The following APOB variants were observed in gnomAD, a reference collection of about 807,000 sequenced individuals.
The protein encoded by APOB is apolipoprotein B, also known as apolipoprotein B-100.
Under a neutral mutation model 314.1 loss-of-function variants are expected in APOB, and 153 were observed. The observed-to-expected ratio is 0.49, with a 90% confidence interval of 0.43 to 0.56. APOB has a LOEUF of 0.56. Ranked by LOEUF, APOB falls within the 20% of genes least tolerant of loss-of-function variation. APOB has a pLI of 0.00. For synonymous variants in APOB, 2,087 were observed against 2,036.4 expected (o/e 1.02, Z -0.67); for missense variants, 5,430 against 5,350.7 (o/e 1.01, Z -0.46).
chr2:21,012,598 C>A lies in APOB; in HGVS notation c.4270G>T (p.Gly1424Trp). 6.2e-7 allele frequency: 1 copy of A among 1,612,378 alleles called. No individual in the cohort carries two copies. The change falls in exon 26 of 29, where the codon GGG becomes TGG. Residue 1424 changes from glycine (G) to tryptophan (W), a missense_variant. Gly to Trp is a radical substitution (Grantham distance 184, BLOSUM62 -2). Around this residue, in one of 3 missense-constraint regions of APOB, gnomAD observed 2,085 missense variants for 2,079.7 expected, o/e 1.00. Transcript: ENST00000233242. ...TCTAGAAATTTGTGGCGTAGAGACC[C>A]ATCACATGATAGTGTGAACGTATTC... is the stretch of plus-strand genomic sequence containing the variant. ...HKNTFTLSCDGSLRHKFLDSN... is the reference protein window; with the variant it reads ...HKNTFTLSCDWSLRHKFLDSN...
Position 21,033,350 on chromosome 2 carries a change from A to T in APOB, c.1073T>A (p.Leu358His), listed in dbSNP as rs748090797. Reference sequence around the variant, plus strand: ...GAGAGATGTGACTGCTTCATCACTGAGGCCTCTCAGCTCAGTAACCAGCTT... The same window carrying T: ...GAGAGATGTGACTGCTTCATCACTGTGGCCTCTCAGCTCAGTAACCAGCTT... ...FNKLVTELRGLSDEAVTSLLP... is the reference protein window; with the variant it reads ...FNKLVTELRGHSDEAVTSLLP... The change falls in exon 9 of 29, where the codon CTC (leucine) becomes CAC (histidine). Residue 358 changes from leucine to histidine, a missense_variant. This residue lies in a region of APOB where 2,085 missense variants were observed against 2,079.7 expected (regional missense o/e 1.00). Transcript: ENST00000233242. The T allele has an allele frequency of 2.5e-6, 4 of 1,614,210 alleles. No homozygotes were observed. The highest frequency in any genetic ancestry group is 3.4e-6 in the Non-Finnish European group (4 of 1,180,032).
rs1175791238 is a variant in APOB, at chr2:21,012,533, G to A, written c.4335C>T (p.Asn1445=). 1.2e-6 allele frequency: 2 copies of A among 1,614,194 alleles called. No individual in the cohort carries two copies. The highest frequency in any genetic ancestry group is 4.5e-5 in the East Asian group (2 of 44,892). The change falls in exon 26 of 29, where the codon AAC becomes AAT. Residue 1445 remains asparagine (N), a synonymous_variant. Coordinates refer to ENST00000233242, the MANE Select transcript of APOB (RefSeq NM_000384.3). ...TTAGTAAACCTTTTGAGACTGGGTT[G>A]TTTCCAAGTTTTTCTACATGACTGA... is the stretch of plus-strand genomic sequence containing the variant. ...IKFSHVEKLG[N]NPVSKGLLIF...
chr2:21,042,722 G>C (rs1311911715), intron 2 of APOB, among the ~76,000 whole-genome samples: 1 of 152,108 alleles, frequency 6.6e-6, no homozygotes, highest in Non-Finnish European at 1.5e-5. Flanking sequence ...AGGGAAGGGA[G>C]TGACAAGTGT....
chr2:21,007,478 T>C lies in APOB; in HGVS notation c.9390A>G (p.Leu3130=). The part of the protein sequence containing the change: ...EANLDFLNIP[L]TIPEMRLPYT... ...AAGGTAGACGCATTTCAGGAATTGTTAAAGGAATGTTTAAGAAATCCAGAT... is the reference window on the plus strand; with the variant it reads ...AAGGTAGACGCATTTCAGGAATTGTCAAAGGAATGTTTAAGAAATCCAGAT... The change falls in exon 26 of 29, where the codon TTA becomes TTG. Residue 3130 remains leucine, a synonymous_variant. Coordinates refer to ENST00000233242, the MANE Select transcript of APOB (RefSeq NM_000384.3). 6.2e-7 allele frequency: 1 copy of C among 1,614,124 alleles called. No individual in the cohort carries two copies. Among genetic ancestry groups the C allele is most frequent in the Middle Eastern group, 1.6e-4 (1 of 6,062 alleles).
chr2:21,010,866 G>A lies in APOB; in HGVS notation c.6002C>T (p.Thr2001Ile), dbSNP rs763424475. ...EYSQDLDAYN[T>I]KDKIGVELTG... ...AAGCTCCACGCCAATTTTATCTTTAGTGTTGTAAGCATCCAAGTCCTGGCT... is the reference window on the plus strand; with the variant it reads ...AAGCTCCACGCCAATTTTATCTTTAATGTTGTAAGCATCCAAGTCCTGGCT... Residue 2001 changes from threonine (T) to isoleucine (I), a missense_variant, in exon 26 of 29, where the codon ACT becomes ATT. Physicochemically the swap from Thr to Ile is moderately conservative, Grantham distance 89. Transcript: ENST00000233242. The A allele has an allele frequency of 1.9e-5, 30 of 1,614,020 alleles. No homozygotes were observed. Among genetic ancestry groups the A allele is most frequent in the Non-Finnish European group, 2.5e-5 (29 of 1,180,024 alleles).
At chr2:21,022,458 G>T (rs183722891) in intron 18 of APOB, among the ~76,000 whole-genome samples, 15 of 151,936 alleles carry the variant, frequency 9.9e-5, no homozygotes, top group African/African-American at 3.4e-4. Context: ...GTATTTTTTG[G>T]GGGGGAAAAT....
In APOB at chr2:21,013,509, C is replaced by T. The variant is rs771430578; in HGVS notation, c.3867G>A (p.Leu1289=). 6.8e-6 allele frequency: 11 copies of T among 1,614,166 alleles called. No homozygotes were observed. In the East Asian group the frequency reaches 1.6e-4, roughly 23 times the overall value. Residue 1289 remains leucine (L), a synonymous_variant, in exon 25 of 29, where the codon TTG becomes TTA. Coordinates refer to ENST00000233242, the MANE Select transcript of APOB (RefSeq NM_000384.3). ...LKSDGRVKYT[L]NKNSLKIEIP... ...TCTCAATTTTCAAACTGTTCTTGTT[C>T]AAGGTATATTTGACCCGGCCATCGC... is the stretch of plus-strand genomic sequence containing the variant.
Position 21,002,571 on chromosome 2 carries a change from A to G in APOB, c.12851T>C (p.Phe4284Ser), listed in dbSNP as rs750204106. The G allele has an allele frequency of 8.3e-5, 134 of 1,613,968 alleles. No homozygotes were observed. The highest frequency in any genetic ancestry group is 1.1e-4 in the Non-Finnish European group (131 of 1,179,972). ...KDLSKEAQEV[F>S]KAIQSLKTTE... ...GGTCTTGAGAGACTGAATGGCTTTA[A>G]ATACCTCTTGGGCTTCTTTTGATAA... is the stretch of plus-strand genomic sequence containing the variant. The change falls in exon 29 of 29, where the codon TTT (phenylalanine) becomes TCT (serine). Residue 4284 changes from phenylalanine (F) to serine (S), a missense_variant. Transcript: ENST00000233242.
chr2:21,016,720 C>G, intron 20 of APOB, 71 bp from the exon 21 acceptor site: 1 of 1,000,060 alleles, frequency 1.0e-6, no homozygotes, highest in Non-Finnish European at 1.6e-6. Flanking sequence ...TGCGGTGGCT[C>G]ACACCTGTAA....
chr2:21,015,514 C>A lies in APOB; in HGVS notation c.3364G>T (p.Gly1122Cys). The change falls in exon 22 of 29, where the codon GGT (glycine) becomes TGT (cysteine). Residue 1122 changes from glycine to cysteine, a missense_variant. This residue lies in a region of APOB where 2,085 missense variants were observed against 2,079.7 expected (regional missense o/e 1.00). Transcript: ENST00000233242. Reference sequence around the variant, plus strand: ...TGCAAACGGGGTATGGAAATAACACCCTTGATTTTTCTTTCTTCCTTTGTG... The same window carrying A: ...TGCAAACGGGGTATGGAAATAACACACTTGATTTTTCTTTCTTCCTTTGTG... ...CDTKEERKIK[G>C]VISIPRLQAE... 2 of 1,613,638 alleles carry A rather than the reference C, an allele frequency of 1.2e-6. No homozygotes were observed. Among genetic ancestry groups the A allele is most frequent in the Non-Finnish European group, 1.7e-6 (2 of 1,179,996 alleles).
Position 21,008,641 on chromosome 2 carries a change from G to C in APOB, c.8227C>G (p.Leu2743Val), listed in dbSNP as rs777302365. 1.3e-5 allele frequency: 21 copies of C among 1,613,984 alleles called. No homozygotes were observed. Among genetic ancestry groups the C allele is most frequent in the Non-Finnish European group, 1.7e-5 (20 of 1,179,990 alleles). Reference protein sequence around the residue: ...VPDLHIPEFQLPHISHTIEVP... With the variant: ...VPDLHIPEFQVPHISHTIEVP... ...TCAATTGTGTGTGAGATGTGGGGAA[G>C]CTGGAATTCTGGTATGTGAAGGTCA... The change falls in exon 26 of 29, where the codon CTT becomes GTT. Residue 2743 changes from leucine (L) to valine (V), a missense_variant. By Grantham distance (32) the Leu-to-Val change is conservative (BLOSUM62 1). Coordinates refer to ENST00000233242, the MANE Select transcript of APOB (RefSeq NM_000384.3).
At chr2:21,014,183 C>G (rs1375597383) in intron 24 of APOB, among the ~76,000 whole-genome samples, 1 of 152,186 alleles carries the variant, frequency 6.6e-6, no homozygotes, top group African/African-American at 2.4e-5. Context: ...GGAGAATTTG[C>G]TTATAACAGG....
At chr2:21,036,849 A>C (rs1355097653) in intron 6 of APOB, among the ~76,000 whole-genome samples, 1 of 152,184 alleles carries the variant, frequency 6.6e-6, no homozygotes, top group East Asian at 1.9e-4. Context: ...TGCCAGTGAC[A>C]GAAGGACAGG....
intron 18 of APOB, among the ~76,000 whole-genome samples, chr2:21,020,641 T>C (rs1180921278): frequency 6.6e-6 from 1 of 152,224 alleles, no homozygotes; most frequent in Non-Finnish European, 1.5e-5. Context: ...TCCTTCCAAG[T>C]GTGTACTTAA....
In APOB at chr2:21,005,248, C is replaced by T; in HGVS notation, c.11620G>A (p.Gly3874Arg). 1 of 1,614,024 alleles carries T rather than the reference C, an allele frequency of 6.2e-7. No individual in the cohort carries two copies. The highest frequency in any genetic ancestry group is 8.5e-7 in the Non-Finnish European group (1 of 1,179,964). The change falls in exon 26 of 29, where the codon GGA (glycine) becomes AGA (arginine). Residue 3874 changes from glycine (G) to arginine (R), a missense_variant. Physicochemically the swap from Gly to Arg is moderately radical, Grantham distance 125 (BLOSUM62 -2). Around this residue, in one of 3 missense-constraint regions of APOB, gnomAD observed 3,281 missense variants for 3,171.0 expected, o/e 1.03. Transcript: ENST00000233242. ...IPSIKFSVPAGIVIPSFQALT... is the reference protein window; with the variant it reads ...IPSIKFSVPARIVIPSFQALT... The stretch of plus-strand genomic sequence containing the variant: ...GCTTGAAAGGAAGGAATGACAATTC[C>T]AGCAGGTACAGAGAACTTAATGGAG...
In APOB at chr2:21,010,004, G is replaced by A. The variant is rs72653089; in HGVS notation, c.6864C>T (p.His2288=). Residue 2288 remains histidine (H), a synonymous_variant, in exon 26 of 29, where the codon CAC becomes CAT. Transcript: ENST00000233242. ...IQHLAGKLKQ[H]IEAIDVRVLL... is the part of the protein sequence containing the mutation. ...GCACTCTAACATCAATAGCCTCAAT[G>A]TGTTGTTTTAACTTTCCAGCTAGGT... 6.2e-7 allele frequency: 1 copy of A among 1,613,720 alleles called. No homozygotes were observed. The highest frequency in any genetic ancestry group is 8.5e-7 in the Non-Finnish European group (1 of 1,179,922).
chr2:21,009,671 A>G lies in APOB; in HGVS notation c.7197T>C (p.Asp2399=). The G allele has an allele frequency of 1.2e-6, 2 of 1,613,366 alleles. No individual in the cohort carries two copies. Among genetic ancestry groups the G allele is most frequent in the Non-Finnish European group, 1.7e-6 (2 of 1,179,570 alleles). ...YFEKLVGFID[D]AVKKLNELSF... ...ATAATTCATTAAGCTTCTTGACAGC[A>G]TCATCAATAAATCCAACCAATTTCT... is the stretch of plus-strand genomic sequence containing the variant. The change falls in exon 26 of 29, where the codon GAT becomes GAC. Residue 2399 remains aspartate (D), a synonymous_variant. Coordinates refer to ENST00000233242, the MANE Select transcript of APOB (RefSeq NM_000384.3).
chr2:21,010,116 T>C lies in APOB; in HGVS notation c.6752A>G (p.Asn2251Ser). Reference protein sequence around the residue: ...SGSSTASWIQNVDTKYQIRIQ... With the variant: ...SGSSTASWIQSVDTKYQIRIQ... ...TCTGATTTGGTACTTAGTATCCACA[T>C]TTTGAATCCAGGATGCAGTACTACT... is the stretch of plus-strand genomic sequence containing the variant. Residue 2251 changes from asparagine (N) to serine (S), a missense_variant, in exon 26 of 29, where the codon AAT becomes AGT. Physicochemically the swap from Asn to Ser is conservative, Grantham distance 46. This residue lies in a region of APOB where 3,281 missense variants were observed against 3,171.0 expected (regional missense o/e 1.03). Transcript: ENST00000233242. The C allele has an allele frequency of 6.2e-7, 1 of 1,612,504 alleles. No homozygotes were observed. Among genetic ancestry groups the C allele is most frequent in the Non-Finnish European group, 8.5e-7 (1 of 1,179,326 alleles).
chr2:21,002,574 A>G lies in APOB; in HGVS notation c.12848T>C (p.Val4283Ala). The G allele has an allele frequency of 1.9e-6, 3 of 1,614,034 alleles. No homozygotes were observed. In the East Asian group the frequency reaches 6.7e-5, roughly 36 times the overall value. Reference protein sequence around the residue: ...LKDLSKEAQEVFKAIQSLKTT... With the variant: ...LKDLSKEAQEAFKAIQSLKTT... ...CTTGAGAGACTGAATGGCTTTAAAT[A>G]CCTCTTGGGCTTCTTTTGATAAATC... The change falls in exon 29 of 29, where the codon GTA (valine) becomes GCA (alanine). Residue 4283 changes from valine to alanine, a missense_variant. By Grantham distance (64) the Val-to-Ala change is moderately conservative. This residue lies in a region of APOB where 3,281 missense variants were observed against 3,171.0 expected (regional missense o/e 1.03). Transcript: ENST00000233242.
Sources: allele counts gnomAD v4.1 joint callset (sites outside exome capture counted in the v4.1 genomes callset), GRCh38; gene constraint gnomAD v4.1.1; regional missense constraint gnomAD v4.1.1; transcripts MANE v1.5; gene names NCBI Gene and HGNC (gene_info 2026-07-23, HGNC 2026-07-21).